TRIO: variants seen among roughly 807,000 people sequenced by gnomAD.
The protein encoded by TRIO is trio Rho guanine nucleotide exchange factor, also known as triple functional domain protein.
Under a neutral mutation model 351.9 loss-of-function variants are expected in TRIO, and 58 were observed. That is an observed-to-expected ratio of 0.16 (90% confidence interval 0.13 to 0.21). The LOEUF (loss-of-function observed/expected upper bound fraction) is 0.21. Ranked by LOEUF, TRIO falls within the 10% of genes least tolerant of loss-of-function variation. TRIO has a pLI of 1.00. For synonymous variants in TRIO, 1,758 were observed against 1,595.7 expected, an observed-to-expected ratio of 1.10 and a Z score of -2.42; for missense variants, 3,201 against 4,027.8, an observed-to-expected ratio of 0.79 and a Z score of 5.56.
intron 11 of TRIO, among the ~76,000 whole-genome samples, chr5:14,353,250 T>C (rs1328601575): frequency 6.6e-6 from 1 of 151,272 alleles, no homozygotes; most frequent in Non-Finnish European, 1.5e-5. Context: ...CATTGTCTTC[T>C]CATTGAAACT....
intron 9 of TRIO, among the ~76,000 whole-genome samples, chr5:14,324,140 G>T (rs1413548489): frequency 1.3e-5 from 2 of 152,144 alleles, no homozygotes; most frequent in African/African-American, 2.4e-5. Context: ...ATGGAACCAG[G>T]TTGTTAATTT....
chr5:14,502,871 T>C (rs565807772), intron 54 of TRIO, among the ~76,000 whole-genome samples: 8 of 152,366 alleles, frequency 5.3e-5, no homozygotes, highest in South Asian at 2.1e-4. Context: ...GAGGGCCGAA[T>C]GCCACCAGTC....
rs77844683 is a variant in TRIO at position 14,335,960 on chromosome 5, C to A, written c.1855-576C>A. ...AGCCTGGGCCACAGAGTGAGACTGT[C>A]ATGCAAGCTGGAAAACAAAACAGAA... On this transcript the variant is annotated intron_variant, in intron 10 of 56. Coordinates refer to ENST00000344204, the MANE Select transcript of TRIO (RefSeq NM_007118.4). Among the ~76,000 whole-genome samples, 393 of 152,250 alleles carry A rather than the reference C, an allele frequency of 2.6e-3. 2 individuals are homozygous for A. Among genetic ancestry groups the A allele is most frequent in the African/African-American group, 9.3e-3 (385 of 41,532 alleles).
At chr5:14,348,664 T>C (rs1375595678) in intron 11 of TRIO, among the ~76,000 whole-genome samples, 1 of 144,532 alleles carries the variant, frequency 6.9e-6, no homozygotes, top group Non-Finnish European at 1.5e-5. Context: ...TTCCTGTGTG[T>C]ATATGTGTGT....
chr5:14,320,110 C>T (rs1424533775), intron 9 of TRIO, among the ~76,000 whole-genome samples: 2 of 3,082 alleles, frequency 6.5e-4, no homozygotes, highest in Non-Finnish European at 1.1e-3. Context: ...ATCACATTTC[C>T]TAATGATCAG....
rs575486166 is a variant in TRIO at position 14,148,450 on chromosome 5, A to G, written c.157+4568A>G. ...TCTCATAACCTTGGCAGAATTCCAG[A>G]GAAAAGTCTAATTCTTAATCAATAG... On this transcript the variant is annotated intron_variant, in intron 1 of 56. Coordinates refer to ENST00000344204, the MANE Select transcript of TRIO (RefSeq NM_007118.4). Among the ~76,000 whole-genome samples, 105 of 152,324 alleles carry G rather than the reference A, an allele frequency of 6.9e-4. 1 individual carries two copies. The highest frequency in any genetic ancestry group is 2.5e-3 in the South Asian group (12 of 4,818).
Position 14,487,982 on chromosome 5 carries a change from G to C in TRIO, c.7354G>C (p.Gly2452Arg). The C allele has an allele frequency of 6.4e-7, 1 of 1,557,044 alleles. No individual in the cohort carries two copies. The highest frequency in any genetic ancestry group is 1.9e-5 in the Admixed American group (1 of 52,696). The change falls in exon 48 of 57, where the codon GGG (glycine) becomes CGG (arginine). Residue 2452 changes from glycine to arginine, a missense_variant. Gly to Arg is a moderately radical substitution (Grantham distance 125, BLOSUM62 -2). Transcript: ENST00000344204. ...CCTGCCGCTTGGGAAGCCCCGGGCC[G>C]GGGCCGCTTCGCCGCTGAACTCGCC... is the stretch of plus-strand genomic sequence containing the variant. ...GTLPLGKPRA[G>R]AASPLNSPLS...
chr5:14,440,186 A>G (rs972615781), intron 34 of TRIO, among the ~76,000 whole-genome samples: 1 of 152,238 alleles, frequency 6.6e-6, no homozygotes, highest in African/African-American at 2.4e-5. Flanking sequence ...AAGATAGTAC[A>G]TGTTTTCTTA....
chr5:14,202,293 G>GTTTTTTTTTTTTTTTTTTTTTTTTTTT (rs1561196197), intron 1 of TRIO, among the ~76,000 whole-genome samples: 4 of 34,350 alleles, frequency 1.2e-4, no homozygotes, highest in African/African-American at 4.0e-4. Flanking sequence ...ATATTTTTGT[G>GTTTTTTTTTTTTTTTTTTTTTTTTTTT]ATTTTTTTTT....
chr5:14,317,721 G>A (rs1005948065), intron 9 of TRIO, among the ~76,000 whole-genome samples: 5 of 152,250 alleles, frequency 3.3e-5, no homozygotes, highest in African/African-American at 1.2e-4. Flanking sequence ...GCCAGGTGCG[G>A]TGGCTCACGC....
At chr5:14,146,306 T>A (rs543050474) in intron 1 of TRIO, among the ~76,000 whole-genome samples, 1 of 152,292 alleles carries the variant, frequency 6.6e-6, no homozygotes, top group Admixed American at 6.5e-5. Flanking sequence ...GGAAAATAGG[T>A]TCTCATTGAC....
At chr5:14,257,450 T>G (rs62346586) in intron 1 of TRIO, among the ~76,000 whole-genome samples, 1 of 152,160 alleles carries the variant, frequency 6.6e-6, no homozygotes, top group Admixed American at 6.5e-5. Flanking sequence ...AAAAAAATTT[T>G]GCTCACGTGG....
Position 14,502,635 on chromosome 5 carries a change from A to G in TRIO, c.8389A>G (p.Ser2797Gly). 6.2e-7 allele frequency: 1 copy of G among 1,614,202 alleles called. No homozygotes were observed. The highest frequency in any genetic ancestry group is 1.1e-5 in the South Asian group (1 of 91,086). Residue 2797 changes from serine (S) to glycine (G), a missense_variant, in exon 54 of 57, where the codon AGT becomes GGT. This residue lies in a region of TRIO where 1,089 missense variants were observed against 954.9 expected (regional missense o/e 1.14). Transcript: ENST00000344204. ...GAAAGACAACTTTGACTCCTTCTAC[A>G]GTGAAGTGGCTGAGCTTGGCAGGTA... is the stretch of plus-strand genomic sequence containing the variant. ...TWKDNFDSFY[S>G]EVAELGRGRF...
intron 1 of TRIO, among the ~76,000 whole-genome samples, chr5:14,268,068 C>T (rs1795785807): frequency 6.6e-6 from 1 of 152,180 alleles, no homozygotes; most frequent in Non-Finnish European, 1.5e-5. Context: ...TACTTTTCTT[C>T]CTCTAGAAAG....
intron 34 of TRIO, among the ~76,000 whole-genome samples, chr5:14,459,999 T>C (rs1321836180): frequency 6.6e-6 from 1 of 152,112 alleles, no homozygotes; most frequent in African/African-American, 2.4e-5. Context: ...CACCGCAAGC[T>C]CCGCCTCCTG....
intron 1 of TRIO, among the ~76,000 whole-genome samples, chr5:14,192,146 C>T (rs1790497643): frequency 6.6e-6 from 1 of 152,114 alleles, no homozygotes; most frequent in Admixed American, 6.5e-5. Flanking sequence ...GCCATATATA[C>T]ATTATCTCAT....
chr5:14,366,148 TA>T (rs1174723582), intron 15 of TRIO, among the ~76,000 whole-genome samples: 2 of 152,074 alleles, frequency 1.3e-5, no homozygotes, highest in Admixed American at 1.3e-4. Context: ...GGAGTTTTTC[TA>T]AGTAAAGCCC....
chr5:14,277,573 C>T (rs570327476), intron 2 of TRIO, among the ~76,000 whole-genome samples: 1 of 152,204 alleles, frequency 6.6e-6, no homozygotes, highest in Non-Finnish European at 1.5e-5. Context: ...TGATAACACA[C>T]ACACATGAGT....
At chr5:14,400,724 G>A (rs1170854406) in intron 30 of TRIO, among the ~76,000 whole-genome samples, 5 of 152,046 alleles carry the variant, frequency 3.3e-5, no homozygotes, top group South Asian at 2.1e-4. Flanking sequence ...TTTTTTGCTC[G>A]TTGACCTGCA....
Sources: gnomAD v4.1 joint callset for allele counts (sites outside exome capture counted in the v4.1 genomes callset) on GRCh38, gnomAD v4.1.1 for gene constraint, gnomAD v4.1.1 regional missense constraint, MANE v1.5 for transcripts, NCBI Gene and HGNC (gene_info 2026-07-23, HGNC 2026-07-21) for gene names.